Variants in TAT observed in about 807,000 individuals in gnomAD.
TAT encodes the protein tyrosine aminotransferase.
TAT carries 35 observed loss-of-function variants against 53.6 expected under a neutral mutation model. That is an observed-to-expected ratio of 0.65 (90% CI 0.50 to 0.87). TAT has a LOEUF of 0.87. Ranked by LOEUF, TAT falls within the 40% of genes least tolerant of loss-of-function variation. The pLI is 0.00. For missense variants in TAT, 525 were observed against 571.8 expected, an observed-to-expected ratio of 0.92 and a Z score of 0.83; for synonymous variants, 197 against 206.5, an observed-to-expected ratio of 0.95 and a Z score of 0.39.
intron 3 of TAT, chr16:71,575,461 G>A (rs2247603): frequency 0.098 from 17,447 of 177,302 alleles, 1,168 homozygotes; most frequent in Non-Finnish European, 0.15. Flanking sequence ...AGTCATAAAC[G>A]GTAACAATTG....
chr16:71,574,945 G>C (rs1404049039), intron 3 of TAT: 1 of 152,186 alleles, frequency 6.6e-6, no homozygotes. Flanking sequence ...ATTAACACCT[G>C]TATCTCCTTT....
At chr16:71,576,131 TGA>T in intron 2 of TAT, 48 bp downstream of exon 2, 8 of 1,600,390 alleles carry the variant, frequency 5.0e-6, no homozygotes, top group Non-Finnish European at 6.8e-6. Context: ...CCTGTGAACA[TGA>T]GAGTAGAGGA....
At position 71,568,904 on chromosome 16, in the gene TAT, A is replaced by G. The variant is rs1157647837; in HGVS notation, c.1126-95T>C. ...ATTAAGGTAGGGGCTACTTTAAAAG[A>G]TATCTTGGAACTGTGCTACTGATCA... On this transcript the variant is annotated intron_variant, in intron 10 of 11. Transcript: ENST00000355962. The G allele has an allele frequency of 1.7e-5, 14 of 837,576 alleles. No individual in the cohort carries two copies. The East Asian group carries it at 2.6e-4, about 16-fold the overall frequency. 51.9% of individuals were successfully genotyped at this position (837,576 alleles called of 1,614,324 possible). A position where few individuals can be genotyped will look rare whatever the true frequency, so the allele number is the denominator to read the frequency against.
Position 71,567,820 on chromosome 16 carries a change from T to A in TAT, c.*324A>T. On this transcript the variant is annotated 3_prime_UTR_variant, in exon 12 of 12. Coordinates refer to ENST00000355962, the MANE Select transcript of TAT (RefSeq NM_000353.3). ...TTTTCCCTCATCCTGAGCTCTTATT[T>A]TCTTGTCTCAACTGCTTTCTGGTAA... 2.7e-6 allele frequency: 1 copy of A among 364,362 alleles called. No individual in the cohort carries two copies. The highest frequency in any genetic ancestry group is 5.2e-6 in the Non-Finnish European group (1 of 190,920). 22.6% of individuals were successfully genotyped at this position (364,362 alleles called of 1,614,324 possible).
intron 3 of TAT, among the ~76,000 whole-genome samples, chr16:71,574,581 CAAAAAAAA>C (rs71389677): frequency 4.9e-4 from 39 of 79,802 alleles, no homozygotes; most frequent in Middle Eastern, 7.4e-3. Flanking sequence ...AACTTCGTCT[CAAAAAAAA>C]AAAAAAAAAA....
intron 2 of TAT, 48 bp from the exon 3 acceptor site, chr16:71,576,074 A>G (rs1347229903): frequency 7.4e-6 from 12 of 1,611,284 alleles, no homozygotes; most frequent in East Asian, 2.2e-5. Flanking sequence ...TTATTCTCCC[A>G]TGTTCAGTAC....
At chr16:71,570,051 A>G (rs1485268232) in intron 9 of TAT, 114 bp from the exon 10 acceptor site, 2 of 1,310,052 alleles carry the variant, frequency 1.5e-6, no homozygotes, top group East Asian at 2.5e-5. Context: ...ATGTTCTGGC[A>G]TAAGGAGTGA....
At chr16:71,568,659 T>C in intron 11 of TAT, 52 bp downstream of exon 11, 1 of 1,451,226 alleles carries the variant, frequency 6.9e-7, no homozygotes, top group Non-Finnish European at 9.6e-7. Flanking sequence ...CAGAACTTGC[T>C]TCTGGGGCTC....
Position 71,572,584 on chromosome 16 carries a change from G to A in TAT, c.513C>T (p.Leu171=). The A allele has an allele frequency of 6.2e-7, 1 of 1,614,226 alleles. No individual in the cohort carries two copies. The stretch of plus-strand genomic sequence containing the variant: ...CCATAGACTCAGCCAGAGTCTTGTA[G>A]AGAGAGAAACCAGGTCTTGGAACCA... The part of the protein sequence containing the change: ...NILVPRPGFS[L]YKTLAESMGI... The change falls in exon 5 of 12, where the codon CTC becomes CTT. Residue 171 remains leucine (L), a synonymous_variant. Coordinates refer to ENST00000355962, the MANE Select transcript of TAT (RefSeq NM_000353.3).
intron 3 of TAT, chr16:71,575,448 G>T: frequency 6.0e-6 from 1 of 166,146 alleles, no homozygotes; most frequent in Admixed American, 5.6e-5. Context: ...GTTTAAACCC[G>T]TTAGTCATAA....
Position 71,568,808 on chromosome 16 carries a change from AC to A in TAT, c.1126del (p.Val376LeufsTer21). 1 of 1,613,276 alleles carries A rather than the reference AC, an allele frequency of 6.2e-7. No individual in the cohort carries two copies. The highest frequency in any genetic ancestry group is 8.5e-7 in the Non-Finnish European group (1 of 1,179,528). On this transcript the variant is annotated frameshift_variant and splice_region_variant, in exon 11 of 12. Transcript: ENST00000355962. LOFTEE classifies it high-confidence loss of function. ...TGGGAAATGTTCCATCTCAATTCCA[AC>A]CTATACCAACAGGAGGGAGAGGCCA... ...VRPSGAMYLM[V>X]GIEMEHFPEF... is the part of the protein sequence containing the mutation.
chr16:71,572,113 G>T (rs1006768449), intron 6 of TAT, 73 bp downstream of exon 6: 4 of 1,596,862 alleles, frequency 2.5e-6, no homozygotes, highest in Non-Finnish European at 1.7e-6. Flanking sequence ...GGAATGACTG[G>T]TTTTTGTCAT....
rs1794147998 is a variant in TAT, at chr16:71,570,906, C to T, written c.760-75G>A. 8 of 1,549,786 alleles carry T rather than the reference C, an allele frequency of 5.2e-6. No homozygotes were observed. The Admixed American group carries it at 5.7e-5, about 11-fold the overall frequency. Reference sequence around the variant, plus strand: ...AATCCCAGATCCCGTGGCTCCCACCCATTTCCTTCTATCACTAGGGACAGG... The same window carrying T: ...AATCCCAGATCCCGTGGCTCCCACCTATTTCCTTCTATCACTAGGGACAGG... On this transcript the variant is annotated intron_variant, in intron 7 of 11. Coordinates refer to ENST00000355962, the MANE Select transcript of TAT (RefSeq NM_000353.3).
At chr16:71,573,214 T>C (rs560353682) in intron 4 of TAT, among the ~76,000 whole-genome samples, 1 of 152,356 alleles carries the variant, frequency 6.6e-6, no homozygotes, top group African/African-American at 2.4e-5. Context: ...GTAAAATTTT[T>C]TAAAATAATT....
intron 3 of TAT, 70 bp downstream of exon 3, chr16:71,575,852 C>T (rs1314490878): frequency 2.2e-6 from 3 of 1,383,032 alleles, no homozygotes; most frequent in Non-Finnish European, 3.1e-6. Context: ...GATTGCTAGA[C>T]ATTTAGTCCT....
chr16:71,570,060 G>A, intron 9 of TAT, 123 bp from the exon 10 acceptor site: 3 of 1,302,538 alleles, frequency 2.3e-6, no homozygotes, highest in Admixed American at 4.2e-5. Flanking sequence ...CATAAGGAGT[G>A]AAAAAGAAAA....
At position 71,570,285 on chromosome 16, in the gene TAT, G is replaced by A; in HGVS notation, c.1025C>T (p.Thr342Ile). The change falls in exon 9 of 12, where the codon ACT becomes ATT. Residue 342 changes from threonine (T) to isoleucine (I), a missense_variant. By Grantham distance (89) the Thr-to-Ile change is moderately conservative (BLOSUM62 -1). Coordinates refer to ENST00000355962, the MANE Select transcript of TAT (RefSeq NM_000353.3). ...TGCCCTTACCTTGAGGAAGCTCAGAGTGTTGTGGTAAAACTCTCCCGGGGT... is the reference window on the plus strand; with the variant it reads ...TGCCCTTACCTTGAGGAAGCTCAGAATGTTGTGGTAAAACTCTCCCGGGGT... ...CRTPGEFYHN[T>I]LSFLKSNADL... 1 of 1,614,200 alleles carries A rather than the reference G, an allele frequency of 6.2e-7. No homozygotes were observed. Among genetic ancestry groups the A allele is most frequent in the Non-Finnish European group, 8.5e-7 (1 of 1,180,038 alleles).
rs200123397 is a variant in TAT at position 71,569,817 on chromosome 16, C to G, written c.1125+37G>C. 34 of 1,592,928 alleles carry G rather than the reference C, an allele frequency of 2.1e-5. No individual in the cohort carries two copies. The Admixed American group carries it at 4.7e-4, about 22-fold the overall frequency. On this transcript the variant is annotated intron_variant, in intron 10 of 11. Coordinates refer to ENST00000355962, the MANE Select transcript of TAT (RefSeq NM_000353.3). ...TGAATGACTGCCCTTTGCCTTACAA[C>G]ATGCATTGACCTAGTGCCTGCCACC...
chr16:71,570,285 G>C lies in TAT; in HGVS notation c.1025C>G (p.Thr342Ser). The part of the protein sequence containing the change: ...CRTPGEFYHN[T>S]LSFLKSNADL... ...TGCCCTTACCTTGAGGAAGCTCAGA[G>C]TGTTGTGGTAAAACTCTCCCGGGGT... Residue 342 changes from threonine to serine, a missense_variant, in exon 9 of 12, where the codon ACT becomes AGT. Coordinates refer to ENST00000355962, the MANE Select transcript of TAT (RefSeq NM_000353.3). 1.2e-6 allele frequency: 2 copies of C among 1,614,200 alleles called. No homozygotes were observed. Among genetic ancestry groups the C allele is most frequent in the South Asian group, 2.2e-5 (2 of 91,082 alleles).
Sources: gnomAD v4.1 joint callset for allele counts (sites outside exome capture counted in the v4.1 genomes callset) on GRCh38, gnomAD v4.1.1 for gene constraint, MANE v1.5 for transcripts, NCBI Gene and HGNC (gene_info 2026-07-23, HGNC 2026-07-21) for gene names.